Variants in CLMP observed in about 807,000 individuals in gnomAD.
CLMP encodes the protein CXADR-like membrane protein.
A neutral mutation model predicts 45.2 loss-of-function variants in CLMP; 27 were observed. The observed-to-expected ratio is 0.60, with a 90% confidence interval of 0.44 to 0.82. The LOEUF (loss-of-function observed/expected upper bound fraction) is 0.82. CLMP is among the 40% of genes least tolerant of loss of function. The pLI, the probability that CLMP is intolerant of heterozygous loss-of-function variation, is 0.00. For synonymous variants in CLMP, 167 were observed against 171.4 expected, an observed-to-expected ratio of 0.97 and a Z score of 0.20; for missense variants, 403 against 448.4, an observed-to-expected ratio of 0.90 and a Z score of 0.91.
Position 123,073,667 on chromosome 11 carries a change from C to T in CLMP, c.929G>A (p.Ser310Asn), listed in dbSNP as rs775080926. 6.2e-7 allele frequency: 1 copy of T among 1,614,214 alleles called. No individual in the cohort carries two copies. The highest frequency in any genetic ancestry group is 1.3e-5 in the African/African-American group (1 of 75,060). Reference protein sequence around the residue: ...GSSSTRSTANSASRSQRTLST... With the variant: ...GSSSTRSTANNASRSQRTLST... ...CAGTGTCCGCTGGCTGCGTGAGGCA[C>T]TATTTGCTGTGGAGCGAGTGGAGGA... Residue 310 changes from serine to asparagine, a missense_variant, in exon 7 of 7, where the codon AGT becomes AAT. Ser to Asn is a conservative substitution (Grantham distance 46). Coordinates refer to ENST00000448775, the MANE Select transcript of CLMP (RefSeq NM_024769.5).
chr11:123,135,907 A>T (rs1277301710), intron 1 of CLMP: 2 of 533,294 alleles, frequency 3.8e-6, no homozygotes, highest in Non-Finnish European at 7.6e-6. Flanking sequence ...ACTATGGGAG[A>T]ACATTCACGT....
intron 1 of CLMP, among the ~76,000 whole-genome samples, chr11:123,173,262 T>G (rs183987771): frequency 6.6e-6 from 1 of 152,370 alleles, no homozygotes; most frequent in Admixed American, 6.5e-5. Flanking sequence ...TCCCATGATA[T>G]GAGACTGTTT....
At chr11:123,158,886 C>T (rs1027367470) in intron 1 of CLMP, among the ~76,000 whole-genome samples, 17 of 152,250 alleles carry the variant, frequency 1.1e-4, no homozygotes, top group Non-Finnish European at 1.5e-4. Context: ...ATAATTGCAT[C>T]GAGGGCTTCG....
chr11:123,097,733 T>G, intron 2 of CLMP, 62 bp downstream of exon 2: 1 of 1,330,162 alleles, frequency 7.5e-7, no homozygotes, highest in Non-Finnish European at 1.0e-6. Context: ...ACTGGAAGAC[T>G]GAAGAAAGGC....
rs1388486672 is a variant in CLMP, at chr11:123,071,893, A to G, written c.*1581T>C. ...AGGCTGCTGTTTTCTTTATTTCTCAAACATCTTTCTTCTCCCATTCATCAA... is the reference window on the plus strand; with the variant it reads ...AGGCTGCTGTTTTCTTTATTTCTCAGACATCTTTCTTCTCCCATTCATCAA... On this transcript the variant is annotated 3_prime_UTR_variant, in exon 7 of 7. Transcript: ENST00000448775. 6.6e-6 allele frequency: 1 copy of G among 152,170 alleles called. No individual in the cohort carries two copies. The highest frequency in any genetic ancestry group is 2.4e-5 in the African/African-American group (1 of 41,426). The allele number at this position is 152,170 out of a possible 1,614,324, so 9.4% of individuals were successfully genotyped here.
intron 1 of CLMP, among the ~76,000 whole-genome samples, chr11:123,098,391 C>A (rs993064193): frequency 6.6e-6 from 1 of 151,924 alleles, no homozygotes; most frequent in Non-Finnish European, 1.5e-5. Context: ...CCACACCCAG[C>A]TAATTTTTGT....
chr11:123,078,138 A>G (rs768772368), intron 5 of CLMP, among the ~76,000 whole-genome samples: 1 of 152,154 alleles, frequency 6.6e-6, no homozygotes, highest in Non-Finnish European at 1.5e-5. Context: ...ATTATTTTCC[A>G]TATGTATTTG....
intron 1 of CLMP, among the ~76,000 whole-genome samples, chr11:123,160,034 T>TAG (rs1861464007): frequency 6.6e-6 from 1 of 151,572 alleles, no homozygotes; most frequent in Non-Finnish European, 1.5e-5. Context: ...ATCCCAGCAG[T>TAG]TTGGGAGGCT....
chr11:123,173,672 T>C (rs1861664250), intron 1 of CLMP, among the ~76,000 whole-genome samples: 1 of 152,180 alleles, frequency 6.6e-6, no homozygotes, highest in African/African-American at 2.4e-5. Context: ...GTTAGTGTCC[T>C]TGTTTTGCAG....
intron 1 of CLMP, among the ~76,000 whole-genome samples, chr11:123,120,305 T>C (rs1289792726): frequency 1.3e-5 from 2 of 152,084 alleles, no homozygotes; most frequent in African/African-American, 4.8e-5. Context: ...ATTCATGTCA[T>C]TTTCCCTTCT....
At chr11:123,110,943 A>G (rs186221180) in intron 1 of CLMP, among the ~76,000 whole-genome samples, 3 of 152,204 alleles carry the variant, frequency 2.0e-5, no homozygotes, top group Non-Finnish European at 4.4e-5. Flanking sequence ...GGGTCCTTAT[A>G]TGTGGATGTT....
At chr11:123,175,190 G>T (rs983860760) in intron 1 of CLMP, among the ~76,000 whole-genome samples, 1 of 152,088 alleles carries the variant, frequency 6.6e-6, no homozygotes, top group Non-Finnish European at 1.5e-5. Flanking sequence ...GAACTTCCCT[G>T]AGACTGGGTA....
At chr11:123,123,622 A>G (rs80310749) in intron 1 of CLMP, among the ~76,000 whole-genome samples, 4,407 of 152,216 alleles carry the variant, frequency 0.029, 82 homozygotes, top group African/African-American at 0.05. Context: ...ACACACAGGC[A>G]GATTTCCTTC....
At chr11:123,152,523 A>AAAAT (rs59307398) in intron 1 of CLMP, among the ~76,000 whole-genome samples, 24,420 of 142,686 alleles carry the variant, frequency 0.17, 2,412 homozygotes, top group African/African-American at 0.27. Flanking sequence ...ACTCCATCTC[A>AAAAT]AAATAAATAA....
At chr11:123,151,348 G>A (rs1861335322) in intron 1 of CLMP, among the ~76,000 whole-genome samples, 1 of 152,212 alleles carries the variant, frequency 6.6e-6, no homozygotes, top group Admixed American at 6.5e-5. Context: ...TTAAGTTTCT[G>A]GATCTTAGAG....
chr11:123,095,525 C>T (rs1404836821), intron 2 of CLMP, among the ~76,000 whole-genome samples: 1 of 152,174 alleles, frequency 6.6e-6, no homozygotes, highest in Non-Finnish European at 1.5e-5. Flanking sequence ...CCACCTTGGC[C>T]TCCCAAAGTG....
At chr11:123,098,580 G>A (rs1278561443) in intron 1 of CLMP, among the ~76,000 whole-genome samples, 1 of 151,896 alleles carries the variant, frequency 6.6e-6, no homozygotes, top group Non-Finnish European at 1.5e-5. Flanking sequence ...CTGATGACCA[G>A]GCTGGAGTTC....
chr11:123,083,104 C>T lies in CLMP; in HGVS notation c.660G>A (p.Val220=). The change falls in exon 5 of 7, where the codon GTG becomes GTA. Residue 220 remains valine, a synonymous_variant. Transcript: ENST00000448775. ...AGNEAGKESC[V]VRVTVQYVQS... is the part of the protein sequence containing the mutation. ...GCTTACACTGTACAGTTACTCGCAC[C>T]ACACAGCTTTCCTTCCCAGCTTCGT... 6.2e-7 allele frequency: 1 copy of T among 1,614,144 alleles called. No homozygotes were observed. Among genetic ancestry groups the T allele is most frequent in the East Asian group, 2.2e-5 (1 of 44,884 alleles).
At chr11:123,169,440 G>T (rs1006358366) in intron 1 of CLMP, among the ~76,000 whole-genome samples, 1 of 152,144 alleles carries the variant, frequency 6.6e-6, no homozygotes, top group Non-Finnish European at 1.5e-5. Context: ...CCAGGAGAAA[G>T]CTTCCACCCT....
Sources: gnomAD v4.1 joint callset for allele counts (sites outside exome capture counted in the v4.1 genomes callset) on GRCh38, gnomAD v4.1.1 for gene constraint, MANE v1.5 for transcripts, NCBI Gene and HGNC (gene_info 2026-07-23, HGNC 2026-07-21) for gene names.